Variants in NALF1 observed in about 807,000 individuals in gnomAD.
NALF1 encodes NALCN channel auxiliary factor 1.
NALF1 carries 3 observed loss-of-function variants against 48.4 expected under a neutral mutation model. The observed-to-expected ratio is 0.06, with a 90% CI of 0.03 to 0.16. NALF1 has a LOEUF of 0.16. Ranked by LOEUF, NALF1 falls within the 10% of genes least tolerant of loss-of-function variation. The pLI is 1.00. For synonymous variants in NALF1, 262 were observed against 245.7 expected (o/e 1.07, Z -0.62); for missense variants, 526 against 571.5 (o/e 0.92, Z 0.81).
At chr13:107,176,893 A>C (rs893992802) in intron 2 of NALF1, among the ~76,000 whole-genome samples, 1 of 151,658 alleles carries the variant, frequency 6.6e-6, no homozygotes, top group Non-Finnish European at 1.5e-5. Flanking sequence ...GTTTGTTTTT[A>C]AATTTATTTA....
rs1197379601 is a variant in NALF1, at chr13:107,601,905, T to C, written c.915+263777A>G. Among the ~76,000 whole-genome samples, 4 of 152,222 alleles carry C rather than the reference T, an allele frequency of 2.6e-5. No individual in the cohort carries two copies. The East Asian group carries it at 7.7e-4, about 29-fold the overall frequency. On this transcript the variant is annotated intron_variant, in intron 1 of 2. Transcript: ENST00000375915. ...GAGAAATTACTGAGGCTCCCTCCCT[T>C]CCTTCCTTTTCCTTCTATTTCTCTC...
chr13:107,205,498 AG>A (rs971586217), intron 2 of NALF1, among the ~76,000 whole-genome samples: 3 of 152,070 alleles, frequency 2.0e-5, no homozygotes, highest in African/African-American at 7.2e-5. Flanking sequence ...AGTCGCCACC[AG>A]GGGGCGCCCA....
At chr13:107,186,399 C>T (rs943080284) in intron 2 of NALF1, among the ~76,000 whole-genome samples, 3 of 152,102 alleles carry the variant, frequency 2.0e-5, no homozygotes, top group African/African-American at 7.2e-5. Flanking sequence ...GACAGAGTCT[C>T]GCTCTGTCGC....
chr13:107,546,639 C>T (rs1877143815), intron 1 of NALF1, among the ~76,000 whole-genome samples: 1 of 151,452 alleles, frequency 6.6e-6, no homozygotes, highest in South Asian at 2.1e-4. Flanking sequence ...CTCTCTCTCT[C>T]CCGCCCTCTC....
At chr13:107,814,937 A>T (rs550259822) in intron 1 of NALF1, among the ~76,000 whole-genome samples, 2 of 152,258 alleles carry the variant, frequency 1.3e-5, no homozygotes, top group Admixed American at 1.3e-4. Flanking sequence ...CATAAAACAG[A>T]ATCCAATAAA....
chr13:107,297,568 A>G (rs1881749184), intron 1 of NALF1, among the ~76,000 whole-genome samples: 1 of 152,232 alleles, frequency 6.6e-6, no homozygotes, highest in Non-Finnish European at 1.5e-5. Flanking sequence ...CAGAAAATGT[A>G]ATTAAAACAA....
At chr13:107,571,535 G>C (rs1369277322) in intron 1 of NALF1, among the ~76,000 whole-genome samples, 1 of 152,226 alleles carries the variant, frequency 6.6e-6, no homozygotes, top group Non-Finnish European at 1.5e-5. Flanking sequence ...CCCATACCTT[G>C]CCTCTTTCAT....
chr13:107,730,077 G>A (rs1876268348), intron 1 of NALF1, among the ~76,000 whole-genome samples: 1 of 152,092 alleles, frequency 6.6e-6, no homozygotes, highest in South Asian at 2.1e-4. Context: ...AGTCTGCTAC[G>A]AAATTTGCTA....
At chr13:107,212,723 G>C in intron 1 of NALF1, among the ~76,000 whole-genome samples, 1 of 152,186 alleles carries the variant, frequency 6.6e-6, no homozygotes, top group South Asian at 2.1e-4. Context: ...CTGTAGTATA[G>C]GAATGAGCCA....
At chr13:107,272,136 T>C (rs1594099175) in intron 1 of NALF1, among the ~76,000 whole-genome samples, 1 of 151,784 alleles carries the variant, frequency 6.6e-6, no homozygotes, top group East Asian at 1.9e-4. Flanking sequence ...CACAAATGTA[T>C]ACACACTGGT....
At chr13:107,358,046 G>T (rs894681177) in intron 1 of NALF1, among the ~76,000 whole-genome samples, 1 of 152,018 alleles carries the variant, frequency 6.6e-6, no homozygotes, top group Non-Finnish European at 1.5e-5. Flanking sequence ...ATATGCACAC[G>T]TGTGCATATG....
At chr13:107,566,966 G>T (rs1235671549) in intron 1 of NALF1, among the ~76,000 whole-genome samples, 1 of 151,954 alleles carries the variant, frequency 6.6e-6, no homozygotes, top group African/African-American at 2.4e-5. Flanking sequence ...TGATGCCAGG[G>T]TTCATTTTAT....
intron 1 of NALF1, among the ~76,000 whole-genome samples, chr13:107,324,570 A>G (rs888392545): frequency 6.6e-6 from 1 of 152,154 alleles, no homozygotes; most frequent in Admixed American, 6.5e-5. Context: ...TCCATCTGCT[A>G]GATAATATCA....
intron 1 of NALF1, among the ~76,000 whole-genome samples, chr13:107,425,014 T>C (rs1023296894): frequency 1.3e-5 from 2 of 152,252 alleles, no homozygotes; most frequent in Non-Finnish European, 1.5e-5. Context: ...GAGAAAGAAG[T>C]ATTTGCTTTT....
intron 1 of NALF1, among the ~76,000 whole-genome samples, chr13:107,269,447 T>C (rs551296183): frequency 6.6e-6 from 1 of 152,262 alleles, no homozygotes; most frequent in African/African-American, 2.4e-5. Context: ...AGGGATCAGA[T>C]AGTATGATTG....
intron 1 of NALF1, among the ~76,000 whole-genome samples, chr13:107,505,239 T>C (rs1230588865): frequency 5.9e-5 from 9 of 152,212 alleles, no homozygotes; most frequent in African/African-American, 1.7e-4. Flanking sequence ...GCAGAGAGCA[T>C]AGCATTGGTG....
intron 1 of NALF1, among the ~76,000 whole-genome samples, chr13:107,338,337 T>C (rs1882600823): frequency 6.6e-6 from 1 of 152,108 alleles, no homozygotes; most frequent in Admixed American, 6.6e-5. Context: ...GGGGACTGAG[T>C]ACAAGTATGG....
At chr13:107,595,312 CT>C (rs2138420414) in intron 1 of NALF1, among the ~76,000 whole-genome samples, 1 of 152,218 alleles carries the variant, frequency 6.6e-6, no homozygotes, top group East Asian at 1.9e-4. Flanking sequence ...AAACACAATT[CT>C]TTTACAAAAC....
chr13:107,775,818 T>TC (rs1877715757), intron 1 of NALF1, among the ~76,000 whole-genome samples: 2 of 140,646 alleles, frequency 1.4e-5, no homozygotes. Context: ...AGTATTATGT[T>TC]CCCCACACAA....
Sources: gnomAD v4.1 joint callset for allele counts (sites outside exome capture counted in the v4.1 genomes callset) on GRCh38, gnomAD v4.1.1 for gene constraint, MANE v1.5 for transcripts, NCBI Gene and HGNC (gene_info 2026-07-23, HGNC 2026-07-21) for gene names.